Variants in PAK4 observed in about 807,000 individuals in gnomAD.
The protein encoded by PAK4 is serine/threonine-protein kinase PAK 4.
Under a neutral mutation model 53.5 loss-of-function variants are expected in PAK4, and 49 were observed. That is an observed-to-expected ratio of 0.92 (90% CI 0.73 to 1.16). The LOEUF (loss-of-function observed/expected upper bound fraction) is 1.16, where lower values mean the gene tolerates loss of function less well. PAK4 is among the 50% of genes most tolerant of loss of function. The pLI is 0.00. For synonymous variants in PAK4, 376 were observed against 375.6 expected (o/e 1.00, Z -0.01); for missense variants, 824 against 850.7 (o/e 0.97, Z 0.39).
chr19:39,175,442 AG>A lies in PAK4; in HGVS notation c.1359+8del. ...CCTGCTGACCCATGATGGCAGGGTG[AG>A]GGGACGGGCGGCGGGGTACGGGGGC... On this transcript the variant is annotated splice_donor_5th_base_variant and intron_variant, in intron 6 of 8. Transcript: ENST00000358301. This position sits in a 1 kb window ranked among gnomAD's most constrained non-coding sequence, Gnocchi z 4.7. 6.2e-7 allele frequency: 1 copy of A among 1,602,464 alleles called. No individual in the cohort carries two copies. The highest frequency in any genetic ancestry group is 1.1e-5 in the South Asian group (1 of 90,212).
At chr19:39,154,349 CAT>C (rs1600354317) in intron 1 of PAK4, among the ~76,000 whole-genome samples, 2 of 152,154 alleles carry the variant, frequency 1.3e-5, no homozygotes, top group Non-Finnish European at 2.9e-5. Flanking sequence ...TATTGTGTGT[CAT>C]GTGGCTGCCA....
intron 1 of PAK4, among the ~76,000 whole-genome samples, chr19:39,156,525 G>A (rs2074184691): frequency 6.6e-6 from 1 of 152,102 alleles, no homozygotes. Context: ...CAAAGGCTGT[G>A]GTTGGGGTCC....
chr19:39,143,331 C>T (rs1056488955), intron 1 of PAK4, among the ~76,000 whole-genome samples: 1 of 148,958 alleles, frequency 6.7e-6, no homozygotes, highest in Non-Finnish European at 1.5e-5. Flanking sequence ...TGGCTCACGC[C>T]TGTAATCCCA....
chr19:39,163,305 A>G (rs1202792540), intron 1 of PAK4, among the ~76,000 whole-genome samples: 8 of 151,224 alleles, frequency 5.3e-5, no homozygotes, highest in Admixed American at 4.6e-4. Context: ...GGTCCTGGCC[A>G]CCTCCCCTGC....
chr19:39,149,051 A>G (rs1202024620), intron 1 of PAK4, among the ~76,000 whole-genome samples: 1 of 152,208 alleles, frequency 6.6e-6, no homozygotes, highest in Non-Finnish European at 1.5e-5. Flanking sequence ...ATGTGGGGAA[A>G]TTGGAGCCCC....
chr19:39,127,993 G>C (rs2073622004), intron 1 of PAK4, among the ~76,000 whole-genome samples: 1 of 152,210 alleles, frequency 6.6e-6, no homozygotes, highest in Admixed American at 6.5e-5. Context: ...CTCAGCTTTG[G>C]AGGGACGGTG....
chr19:39,143,067 C>T (rs1163707023), intron 1 of PAK4, among the ~76,000 whole-genome samples: 1 of 152,004 alleles, frequency 6.6e-6, no homozygotes, highest in Non-Finnish European at 1.5e-5. Context: ...TCAGACGCCA[C>T]CCCTTTAGAG....
intron 1 of PAK4, among the ~76,000 whole-genome samples, chr19:39,129,737 G>A (rs1043702703): frequency 4.0e-5 from 6 of 151,602 alleles, no homozygotes; most frequent in South Asian, 2.1e-4. Context: ...AAGAAAGGAT[G>A]GAAGGGCTTT....
At chr19:39,136,066 CCTT>C in intron 1 of PAK4, among the ~76,000 whole-genome samples, 1 of 135,324 alleles carries the variant, frequency 7.4e-6, no homozygotes, top group Non-Finnish European at 1.6e-5. Context: ...TCCTCGTCAC[CCTT>C]CTTCCTTGTC....
At chr19:39,158,066 G>A (rs975193090) in intron 1 of PAK4, among the ~76,000 whole-genome samples, 1 of 145,468 alleles carries the variant, frequency 6.9e-6, no homozygotes. Context: ...GAGCGTGTGT[G>A]TGAGCATGCA....
chr19:39,126,075 G>A (rs2073570792), intron 1 of PAK4, among the ~76,000 whole-genome samples, 156 bp downstream of exon 1: 1 of 152,094 alleles, frequency 6.6e-6, no homozygotes, highest in African/African-American at 2.4e-5. Context: ...CAGACTGGAG[G>A]GAGTTGTAGT....
chr19:39,180,430 T>A (rs1479303502), downstream of PAK4: 1 of 151,710 alleles, frequency 6.6e-6, no homozygotes, highest in Non-Finnish European at 1.5e-5. Context: ...CAGGCTTGAA[T>A]GCACTTTCAA....
intron 1 of PAK4, among the ~76,000 whole-genome samples, chr19:39,140,871 G>T (rs1476578536): frequency 6.6e-6 from 1 of 152,180 alleles, no homozygotes; most frequent in African/African-American, 2.4e-5. Flanking sequence ...TCCCAGGGTT[G>T]CTGGGAGGAT....
chr19:39,132,701 C>G (rs2073736692), intron 1 of PAK4, among the ~76,000 whole-genome samples: 1 of 152,186 alleles, frequency 6.6e-6, no homozygotes, highest in African/African-American at 2.4e-5. Context: ...GACAGGTGCC[C>G]CGTTAACTTT....
intron 1 of PAK4, among the ~76,000 whole-genome samples, chr19:39,165,547 T>TAAATAAATAAATA (rs1456286320): frequency 5.2e-5 from 7 of 133,870 alleles, no homozygotes; most frequent in East Asian, 2.3e-4. Context: ...AATAAATAAA[T>TAAATAAATAAATA]AAATAAAATA....
chr19:39,133,238 G>A (rs1166210533), intron 1 of PAK4, among the ~76,000 whole-genome samples: 1 of 152,208 alleles, frequency 6.6e-6, no homozygotes, highest in African/African-American at 2.4e-5. Context: ...GTTGTTTTGA[G>A]GATCTAAATG....
At chr19:39,143,574 CAG>C (rs1459675597) in intron 1 of PAK4, among the ~76,000 whole-genome samples, 2 of 97,758 alleles carry the variant, frequency 2.0e-5, no homozygotes, top group Non-Finnish European at 1.8e-5. Context: ...GCCTGGGTGA[CAG>C]AGCAAGACTC....
intron 1 of PAK4, among the ~76,000 whole-genome samples, chr19:39,160,033 G>T (rs1416246278): frequency 1.3e-5 from 2 of 152,238 alleles, no homozygotes; most frequent in African/African-American, 2.4e-5. Flanking sequence ...AGGCCATGTG[G>T]CTGGGTGGGC....
chr19:39,167,392 T>A (rs944902086), intron 1 of PAK4, among the ~76,000 whole-genome samples: 1 of 151,702 alleles, frequency 6.6e-6, no homozygotes, highest in Non-Finnish European at 1.5e-5. Flanking sequence ...TTGGGGTATG[T>A]GGATGACCCT....
Sources: gnomAD v4.1 joint callset for allele counts (sites outside exome capture counted in the v4.1 genomes callset) on GRCh38, gnomAD v4.1.1 for gene constraint, Gnocchi (gnomAD v3.1) non-coding constraint, MANE v1.5 for transcripts, NCBI Gene and HGNC (gene_info 2026-07-23, HGNC 2026-07-21) for gene names.